The following CDC42BPA variants were observed in gnomAD, a reference collection of about 807,000 sequenced individuals.
The protein encoded by CDC42BPA is serine/threonine-protein kinase MRCK alpha.
CDC42BPA carries 80 observed loss-of-function variants against 223.5 expected under a neutral mutation model. The ratio of observed to expected loss-of-function variants is 0.36; its 90% confidence interval spans 0.30 to 0.43. The LOEUF is 0.43. CDC42BPA is among the 20% of genes least tolerant of loss of function. CDC42BPA has a pLI of 1.00. For synonymous variants in CDC42BPA, 694 were observed against 718.6 expected (o/e 0.97, Z 0.55); for missense variants, 1,743 against 2,099.9 (o/e 0.83, Z 3.32).
At chr1:227,185,670 C>T (rs10799399) in intron 5 of CDC42BPA, among the ~76,000 whole-genome samples, 1 of 151,818 alleles carries the variant, frequency 6.6e-6, no homozygotes, top group South Asian at 2.1e-4. Flanking sequence ...TCTGTAGAGG[C>T]GAGCTTTTTC....
intron 15 of CDC42BPA, among the ~76,000 whole-genome samples, chr1:227,098,448 T>C (rs1455137794): frequency 6.6e-6 from 1 of 151,870 alleles, no homozygotes; most frequent in Non-Finnish European, 1.5e-5. Flanking sequence ...CAACTGTAAC[T>C]GTTTAAAATG....
chr1:227,272,436 AAAAATACTC>A (rs1686111886), intron 1 of CDC42BPA, among the ~76,000 whole-genome samples: 1 of 152,188 alleles, frequency 6.6e-6, no homozygotes, highest in Non-Finnish European at 1.5e-5. Flanking sequence ...TTTTATTTTT[AAAAATACTC>A]TAAGTTAAAA....
intron 24 of CDC42BPA, among the ~76,000 whole-genome samples, chr1:227,038,885 G>A (rs1670831231): frequency 6.6e-6 from 1 of 152,152 alleles, no homozygotes; most frequent in East Asian, 1.9e-4. Flanking sequence ...TAGTTTTTTG[G>A]GATGCTTGAG....
chr1:227,148,699 G>A (rs1324963792), intron 6 of CDC42BPA, among the ~76,000 whole-genome samples: 1 of 148,282 alleles, frequency 6.7e-6, no homozygotes, highest in Non-Finnish European at 1.5e-5. Context: ...CCCGGGAGGC[G>A]GAGCTTGCAG....
chr1:227,126,410 C>T (rs1019418475), intron 11 of CDC42BPA, among the ~76,000 whole-genome samples: 1 of 149,632 alleles, frequency 6.7e-6, no homozygotes, highest in Non-Finnish European at 1.5e-5. Context: ...CCTCTGGTGG[C>T]TGCTGGTGAC....
intron 2 of CDC42BPA, among the ~76,000 whole-genome samples, chr1:227,226,251 G>A (rs542828738): frequency 2.0e-5 from 3 of 152,284 alleles, no homozygotes; most frequent in African/African-American, 2.4e-5. Context: ...AGTCTACTCC[G>A]AGATTCCAAG....
Position 227,016,987 on chromosome 1 carries a change from A to G in CDC42BPA, c.4679T>C (p.Ile1560Thr). Residue 1560 changes from isoleucine (I) to threonine (T), a missense_variant, in exon 33 of 37, where the codon ATT becomes ACT. Around this residue, in one of 6 missense-constraint regions of CDC42BPA, gnomAD observed 44 missense variants for 81.0 expected, o/e 0.54. Coordinates refer to ENST00000366766, the MANE Select transcript of CDC42BPA (RefSeq NM_001394014.1). The stretch of plus-strand genomic sequence containing the variant: ...GAAGGAATAACGCCGCTTATTGTTA[A>G]TGTTTCTAACCATTTGTTTCCGACT... ...DNSRKQMVRN[I>T]NNKRRYSFRV... The G allele has an allele frequency of 6.2e-7, 1 of 1,613,670 alleles. No homozygotes were observed. The highest frequency in any genetic ancestry group is 8.5e-7 in the Non-Finnish European group (1 of 1,179,726).
intron 2 of CDC42BPA, among the ~76,000 whole-genome samples, chr1:227,218,680 A>T (rs1315953083): frequency 6.6e-6 from 1 of 152,236 alleles, no homozygotes; most frequent in Non-Finnish European, 1.5e-5. Flanking sequence ...TTATATAAGT[A>T]CTGAAGAGCT....
intron 1 of CDC42BPA, among the ~76,000 whole-genome samples, chr1:227,257,844 T>A (rs1270903223): frequency 6.6e-6 from 1 of 150,542 alleles, no homozygotes; most frequent in Admixed American, 6.6e-5. Flanking sequence ...CACACAAGTT[T>A]GACAAGGTGG....
chr1:227,162,507 C>A lies in CDC42BPA; in HGVS notation c.600-1871G>T, dbSNP rs1293179680. Among the ~76,000 whole-genome samples, 8 of 152,048 alleles carry A rather than the reference C, an allele frequency of 5.3e-5. No individual in the cohort carries two copies. The East Asian group carries it at 1.3e-3, about 26-fold the overall frequency. ...ACACCAAACTGTGCATTGCCTTTTG[C>A]AACTTGGTTTATTCAAATATTATGC... On this transcript the variant is annotated intron_variant, in intron 5 of 36. Coordinates refer to ENST00000366766, the MANE Select transcript of CDC42BPA (RefSeq NM_001394014.1).
chr1:227,044,803 C>T (rs1237784680), intron 23 of CDC42BPA, among the ~76,000 whole-genome samples: 2 of 152,086 alleles, frequency 1.3e-5, no homozygotes, highest in Admixed American at 6.6e-5. Context: ...TCATTATTCA[C>T]TAATAAGAAG....
At chr1:227,147,882 C>A (rs1660973572) in intron 6 of CDC42BPA, among the ~76,000 whole-genome samples, 1 of 134,090 alleles carries the variant, frequency 7.5e-6, no homozygotes. Flanking sequence ...AATTACCTGT[C>A]AAACCTATAC....
chr1:227,121,303 T>C (rs945695148), intron 11 of CDC42BPA, among the ~76,000 whole-genome samples: 8 of 152,214 alleles, frequency 5.3e-5, no homozygotes, highest in African/African-American at 1.7e-4. Context: ...TTGTATATTG[T>C]TGAGACTGAT....
At chr1:227,085,352 C>T (rs778815835) in intron 16 of CDC42BPA, among the ~76,000 whole-genome samples, 22 of 152,188 alleles carry the variant, frequency 1.4e-4, no homozygotes, top group South Asian at 4.1e-4. Context: ...CTCACATCAT[C>T]GTCATCTTCT....
At chr1:227,074,708 G>T (rs550183570) in intron 17 of CDC42BPA, among the ~76,000 whole-genome samples, 21 of 152,256 alleles carry the variant, frequency 1.4e-4, no homozygotes, top group African/African-American at 4.6e-4. Flanking sequence ...TAAATAATAA[G>T]ATTTCTCAAT....
chr1:227,262,302 T>C, intron 1 of CDC42BPA, among the ~76,000 whole-genome samples: 1 of 152,224 alleles, frequency 6.6e-6, no homozygotes, highest in South Asian at 2.1e-4. Flanking sequence ...AACATGTGCA[T>C]ATAGGACAAA....
chr1:227,305,400 C>G (rs890018357), intron 1 of CDC42BPA, among the ~76,000 whole-genome samples: 1 of 152,148 alleles, frequency 6.6e-6, no homozygotes. Flanking sequence ...ATAAAAGTAA[C>G]TCACATTTGT....
intron 30 of CDC42BPA, among the ~76,000 whole-genome samples, chr1:227,026,879 A>T (rs1668356980): frequency 6.6e-6 from 1 of 152,112 alleles, no homozygotes; most frequent in Non-Finnish European, 1.5e-5. Flanking sequence ...CAATGGCATG[A>T]TCATAGCTCA....
Position 227,147,446 on chromosome 1 carries a change from C to A in CDC42BPA, c.807G>T (p.Gly269=), listed in dbSNP as rs373557370. The part of the protein sequence containing the change: ...YGPECDWWSL[G]VCMYEMLYGE... ...CGTAAAGCATTTCATACATACAGAC[C>A]CCCAAAGACCACCAGTCACATTCAG... The change falls in exon 7 of 37, where the codon GGG becomes GGT. Residue 269 remains glycine (G), a synonymous_variant. Transcript: ENST00000366766. 8.6e-5 allele frequency: 138 copies of A among 1,613,324 alleles called. No homozygotes were observed. Among genetic ancestry groups the A allele is most frequent in the Non-Finnish European group, 1.2e-4 (137 of 1,179,674 alleles).
Sources: allele counts gnomAD v4.1 joint callset (sites outside exome capture counted in the v4.1 genomes callset), GRCh38; gene constraint gnomAD v4.1.1; regional missense constraint gnomAD v4.1.1; transcripts MANE v1.5; gene names NCBI Gene and HGNC (gene_info 2026-07-23, HGNC 2026-07-21).